NSUN2: variants seen among roughly 807,000 people sequenced by gnomAD.
NSUN2 encodes the protein RNA cytosine C(5)-methyltransferase NSUN2.
In NSUN2, 63 loss-of-function variants were observed where a neutral mutation model predicts 92.7. That is an observed-to-expected ratio of 0.68 (90% CI 0.56 to 0.84). NSUN2 has a LOEUF of 0.84. NSUN2 is among the 40% of genes least tolerant of loss of function. The probability of loss-of-function intolerance (pLI) is 0.00; values close to 1 mark genes in which losing one functional copy is unlikely to be tolerated. For synonymous variants in NSUN2, 356 were observed against 348.3 expected (o/e 1.02, Z -0.25); for missense variants, 989 against 964.9 (o/e 1.02, Z -0.33).
intron 18 of NSUN2, among the ~76,000 whole-genome samples, 186 bp downstream of exon 18, chr5:6,602,275 C>T (rs1736588331): frequency 6.6e-6 from 1 of 152,194 alleles, no homozygotes; most frequent in Admixed American, 6.5e-5. Context: ...TTCTATGAAA[C>T]AGCATCTTCA....
At chr5:6,600,273 C>A (rs1274975089) in intron 18 of NSUN2, 41 bp from the exon 19 acceptor site, 1 of 1,556,444 alleles carries the variant, frequency 6.4e-7, no homozygotes, top group African/African-American at 1.4e-5. Flanking sequence ...TTAAACATTC[C>A]CATAACTAAA....
intron 18 of NSUN2, among the ~76,000 whole-genome samples, chr5:6,601,406 C>T (rs946221191): frequency 6.6e-6 from 1 of 152,146 alleles, no homozygotes; most frequent in East Asian, 1.9e-4. Flanking sequence ...CAGACACCAT[C>T]CGCCTCCAGC....
intron 12 of NSUN2, 74 bp downstream of exon 12, chr5:6,609,752 C>A (rs1736912690): frequency 8.2e-7 from 1 of 1,220,392 alleles, no homozygotes; most frequent in South Asian, 1.3e-5. Flanking sequence ...TGTACTTCTA[C>A]TAAACTCCGG....
In NSUN2 at chr5:6,631,993, G is replaced by A. The variant is rs191791881; in HGVS notation, c.255-16C>T. Reference sequence around the variant, plus strand: ...TTTTGCGTGGCTATTGAAAAATAAGGAAGTTTCAAACTGATCTAAAAAACT... The same window carrying A: ...TTTTGCGTGGCTATTGAAAAATAAGAAAGTTTCAAACTGATCTAAAAAACT... On this transcript the variant is annotated splice_polypyrimidine_tract_variant and intron_variant, in intron 2 of 18. Coordinates refer to ENST00000264670, the MANE Select transcript of NSUN2 (RefSeq NM_017755.6). 1.9e-6 allele frequency: 3 copies of A among 1,581,362 alleles called. No individual in the cohort carries two copies. Among genetic ancestry groups the A allele is most frequent in the South Asian group, 1.1e-5 (1 of 89,360 alleles).
At position 6,616,775 on chromosome 5, in the gene NSUN2, G is replaced by C. The variant is rs1460980954; in HGVS notation, c.973C>G (p.Pro325Ala). ...RMVYSTCSLN[P>A]IEDEAVIASL... Reference sequence around the variant, plus strand: ...GCTATGACTGCTTCATCCTCAATAGGGTTTAGTGAACACGTGGAATACACC... The same window carrying C: ...GCTATGACTGCTTCATCCTCAATAGCGTTTAGTGAACACGTGGAATACACC... Residue 325 changes from proline to alanine, a missense_variant, in exon 9 of 19, where the codon CCT (proline) becomes GCT (alanine). By Grantham distance (27) the Pro-to-Ala change is conservative. Around this residue, in one of 3 missense-constraint regions of NSUN2, gnomAD observed 626 missense variants for 602.3 expected, o/e 1.04. Coordinates refer to ENST00000264670, the MANE Select transcript of NSUN2 (RefSeq NM_017755.6). 8 of 1,555,006 alleles carry C rather than the reference G, an allele frequency of 5.1e-6. No individual in the cohort carries two copies. Among genetic ancestry groups the C allele is most frequent in the African/African-American group, 1.7e-5 (1 of 58,660 alleles).
intron 17 of NSUN2, 69 bp downstream of exon 17, chr5:6,604,069 C>T (rs773976141): frequency 7.1e-7 from 1 of 1,416,478 alleles, no homozygotes; most frequent in East Asian, 2.3e-5. Flanking sequence ...CCAACGCACA[C>T]CACCTGCATT....
intron 14 of NSUN2, 31 bp from the exon 15 acceptor site, chr5:6,605,439 A>T (rs1253276862): frequency 6.2e-7 from 1 of 1,609,356 alleles, no homozygotes; most frequent in Non-Finnish European, 8.5e-7. Context: ...GTTTATCCAC[A>T]ATGAGTTCAA....
intron 11 of NSUN2, among the ~76,000 whole-genome samples, chr5:6,610,652 C>T (rs1415364758): frequency 2.0e-5 from 3 of 150,644 alleles, no homozygotes; most frequent in African/African-American, 2.4e-5. Context: ...CTACTACACT[C>T]CAGCCTGGAT....
intron 14 of NSUN2, 45 bp downstream of exon 14, chr5:6,606,775 T>C (rs772912092): frequency 3.8e-6 from 4 of 1,046,554 alleles, no homozygotes; most frequent in South Asian, 1.4e-5. Context: ...TGATACTCTA[T>C]AGTAAATTTC....
At chr5:6,603,644 C>T (rs1287356433) in intron 17 of NSUN2, among the ~76,000 whole-genome samples, 1 of 152,112 alleles carries the variant, frequency 6.6e-6, no homozygotes, top group Non-Finnish European at 1.5e-5. Flanking sequence ...GAGCCGAGAT[C>T]GTGCCACTGT....
In NSUN2 at chr5:6,607,247, T is replaced by C. The variant is rs1424969887; in HGVS notation, c.1461A>G (p.Ala487=). The change falls in exon 13 of 19, where the codon GCA becomes GCG. Residue 487 remains alanine, a synonymous_variant. Coordinates refer to ENST00000264670, the MANE Select transcript of NSUN2 (RefSeq NM_017755.6). ...TGCCATTATTCTCTAAATCCTCAGT[T>C]GCATGAGCTATTTCTGTGTCACCAG... The part of the protein sequence containing the change: ...TGTGDTEIAH[A]TEDLENNGSK... 6.2e-7 allele frequency: 1 copy of C among 1,614,238 alleles called. No individual in the cohort carries two copies. The highest frequency in any genetic ancestry group is 1.7e-5 in the Admixed American group (1 of 60,030).
chr5:6,599,862 C>A lies in NSUN2; in HGVS notation c.*64G>T. 1.4e-6 allele frequency: 2 copies of A among 1,466,132 alleles called. No homozygotes were observed. Among genetic ancestry groups the A allele is most frequent in the Non-Finnish European group, 9.4e-7 (1 of 1,067,568 alleles). The allele number at this position is 1,466,132 out of a possible 1,614,324, so 90.8% of individuals were successfully genotyped here. A position where few individuals can be genotyped will look rare whatever the true frequency, so the allele number is the denominator to read the frequency against. On this transcript the variant is annotated 3_prime_UTR_variant, in exon 19 of 19. Coordinates refer to ENST00000264670, the MANE Select transcript of NSUN2 (RefSeq NM_017755.6). ...GCTGCTCTGGATTTGGTTTCAGACACCAGTGACCAGAAGAAGCCAGTTTTG... is the reference window on the plus strand; with the variant it reads ...GCTGCTCTGGATTTGGTTTCAGACAACAGTGACCAGAAGAAGCCAGTTTTG...
chr5:6,605,249 A>C (rs756996084), intron 15 of NSUN2, 24 bp downstream of exon 15: 2 of 1,613,294 alleles, frequency 1.2e-6, no homozygotes, highest in Non-Finnish European at 1.7e-6. Context: ...ATCACACAGC[A>C]CTCAGCGTCT....
Position 6,622,119 on chromosome 5 carries a change from A to T in NSUN2, c.538-19T>A. 1 of 1,591,696 alleles carries T rather than the reference A, an allele frequency of 6.3e-7. No individual in the cohort carries two copies. Among genetic ancestry groups the T allele is most frequent in the Non-Finnish European group, 8.6e-7 (1 of 1,164,880 alleles). ...CTAAGATCTATTAACAAAGCAAGAA[A>T]CTGTTTCATGTTTTTAAAAAACCAA... On this transcript the variant is annotated intron_variant, in intron 5 of 18. Transcript: ENST00000264670.
rs529136396 is a variant in NSUN2 at position 6,606,787 on chromosome 5, T to C, written c.1601+33A>G. 180 of 1,243,238 alleles carry C rather than the reference T, an allele frequency of 1.4e-4. No homozygotes were observed. The Middle Eastern group carries it at 1.7e-3, about 12-fold the overall frequency. The allele number at this position is 1,243,238 out of a possible 1,614,324, so 77.0% of individuals were successfully genotyped here. A position where few individuals can be genotyped will look rare whatever the true frequency, so the allele number is the denominator to read the frequency against. On this transcript the variant is annotated intron_variant, in intron 14 of 18. Transcript: ENST00000264670. ...ATTTGATACTCTATAGTAAATTTCT[T>C]TAAATGAATAATTAAAAAGGCTGAA...
chr5:6,617,742 A>G (rs1010450813), intron 8 of NSUN2, among the ~76,000 whole-genome samples: 2 of 152,268 alleles, frequency 1.3e-5, no homozygotes, highest in African/African-American at 4.8e-5. Context: ...CATTTTTAAT[A>G]AACGTGTTAT....
intron 9 of NSUN2, among the ~76,000 whole-genome samples, chr5:6,614,707 G>C (rs1223166282): frequency 1.3e-5 from 2 of 152,146 alleles, no homozygotes; most frequent in South Asian, 4.1e-4. Flanking sequence ...CAAGTAACCC[G>C]GTCTGACAGC....
chr5:6,615,334 G>A lies in NSUN2; in HGVS notation c.1021+1393C>T, dbSNP rs541709960. On this transcript the variant is annotated intron_variant, in intron 9 of 18. Transcript: ENST00000264670. The stretch of plus-strand genomic sequence containing the variant: ...TGCTGCTCAAGCTGCCTGGAATCAT[G>A]GTTTCCTAAATTCCTAGCTAATGAA... Among the ~76,000 whole-genome samples, 4 of 152,310 alleles carry A rather than the reference G, an allele frequency of 2.6e-5. No individual in the cohort carries two copies. The South Asian group carries it at 8.3e-4, about 32-fold the overall frequency.
Position 6,620,190 on chromosome 5 carries a change from G to A in NSUN2, c.731C>T (p.Ser244Phe). The change falls in exon 7 of 19, where the codon TCC becomes TTC. Residue 244 changes from serine (S) to phenylalanine (F), a missense_variant. Transcript: ENST00000264670. ...ATCTATCTGGAGCCTGGGTATGCTG[G>A]AGGCATCATGGTTGACCACCATGAT... ...PCIMVVNHDA[S>F]SIPRLQIDVD... The A allele has an allele frequency of 6.2e-7, 1 of 1,612,972 alleles. No homozygotes were observed. The highest frequency in any genetic ancestry group is 8.5e-7 in the Non-Finnish European group (1 of 1,179,582).
Sources: allele counts gnomAD v4.1 joint callset (sites outside exome capture counted in the v4.1 genomes callset), GRCh38; gene constraint gnomAD v4.1.1; regional missense constraint gnomAD v4.1.1; transcripts MANE v1.5; gene names NCBI Gene and HGNC (gene_info 2026-07-23, HGNC 2026-07-21).